Variants in SLC25A40 observed in about 807,000 individuals in gnomAD.
The protein encoded by SLC25A40 is mitochondrial glutathione transporter SLC25A40.
Under a neutral mutation model 46.5 loss-of-function variants are expected in SLC25A40, and 41 were observed. That is an observed-to-expected ratio of 0.88 (90% CI 0.69 to 1.14). The LOEUF is 1.14. SLC25A40 is among the 50% of genes most tolerant of loss of function. The pLI is 0.00. For synonymous variants in SLC25A40, 126 were observed against 127.5 expected (o/e 0.99, Z 0.08); for missense variants, 386 against 393.6 (o/e 0.98, Z 0.16).
At chr7:87,863,444 C>T (rs1293697418) in intron 1 of SLC25A40, among the ~76,000 whole-genome samples, 1 of 152,010 alleles carries the variant, frequency 6.6e-6, no homozygotes, top group Non-Finnish European at 1.5e-5. Flanking sequence ...GCTTCCTCTT[C>T]CACTGTGATT....
intron 1 of SLC25A40, among the ~76,000 whole-genome samples, chr7:87,873,376 G>A (rs926898630): frequency 1.3e-5 from 2 of 150,524 alleles, no homozygotes; most frequent in Admixed American, 1.3e-4. Context: ...GGAGTAGACT[G>A]AACAATATTA....
At chr7:87,871,971 T>C (rs1419790318) in intron 1 of SLC25A40, among the ~76,000 whole-genome samples, 1 of 152,230 alleles carries the variant, frequency 6.6e-6, no homozygotes, top group African/African-American at 2.4e-5. Flanking sequence ...GTTCATAATA[T>C]TACTTTGTTG....
intron 1 of SLC25A40, among the ~76,000 whole-genome samples, chr7:87,870,365 T>G (rs370225642): frequency 1.3e-5 from 2 of 152,056 alleles, no homozygotes; most frequent in Admixed American, 6.6e-5. Flanking sequence ...AAACGTCACT[T>G]TCAAGATTAA....
In SLC25A40 at chr7:87,856,276, C is replaced by G; in HGVS notation, c.157+16G>C. ...AAAATCAAACATAACATTTTTAGGGCAATTAGTACACATACCTTTGGGGAG... is the reference window on the plus strand; with the variant it reads ...AAAATCAAACATAACATTTTTAGGGGAATTAGTACACATACCTTTGGGGAG... On this transcript the variant is annotated intron_variant, in intron 4 of 11. Transcript: ENST00000341119. 1 of 1,573,828 alleles carries G rather than the reference C, an allele frequency of 6.4e-7. No homozygotes were observed. Among genetic ancestry groups the G allele is most frequent in the Non-Finnish European group, 8.6e-7 (1 of 1,157,634 alleles).
chr7:87,866,833 G>C (rs574919199), intron 1 of SLC25A40, among the ~76,000 whole-genome samples: 191 of 152,292 alleles, frequency 1.3e-3, no homozygotes, highest in Middle Eastern at 6.8e-3. Flanking sequence ...TGCTACTCAC[G>C]AGTTCCTTCA....
chr7:87,861,582 C>T (rs1451735773), intron 1 of SLC25A40, among the ~76,000 whole-genome samples: 3 of 151,918 alleles, frequency 2.0e-5, no homozygotes, highest in African/African-American at 7.3e-5. Flanking sequence ...AAAATATGTA[C>T]AATAAAAATA....
chr7:87,853,466 T>C (rs1444355715), intron 5 of SLC25A40, among the ~76,000 whole-genome samples: 1 of 152,228 alleles, frequency 6.6e-6, no homozygotes, highest in Non-Finnish European at 1.5e-5. Context: ...TCAGCAACTG[T>C]ATTCCCTAAG....
intron 9 of SLC25A40, among the ~76,000 whole-genome samples, chr7:87,843,018 T>C (rs1838357362): frequency 6.6e-6 from 1 of 152,214 alleles, no homozygotes; most frequent in Admixed American, 6.5e-5. Context: ...TTCCTTGGCC[T>C]AGATTTTCTG....
intron 4 of SLC25A40, among the ~76,000 whole-genome samples, chr7:87,854,899 AT>A (rs1838583486): frequency 1.3e-5 from 2 of 149,402 alleles, no homozygotes; most frequent in South Asian, 4.2e-4. Context: ...ATGGTGGCTC[AT>A]GCCTGTAATC....
intron 3 of SLC25A40, among the ~76,000 whole-genome samples, chr7:87,857,524 G>A (rs1192422166): frequency 6.6e-6 from 1 of 152,194 alleles, no homozygotes; most frequent in African/African-American, 2.4e-5. Flanking sequence ...ATGTGTTGCA[G>A]GAAGTCAGGG....
intron 9 of SLC25A40, among the ~76,000 whole-genome samples, chr7:87,843,249 T>G (rs1838360358): frequency 6.6e-6 from 1 of 152,078 alleles, no homozygotes; most frequent in South Asian, 2.1e-4. Flanking sequence ...CAGGAAGGTG[T>G]GGAAAAAGAT....
intron 1 of SLC25A40, among the ~76,000 whole-genome samples, chr7:87,860,865 G>C (rs1838686249): frequency 6.8e-6 from 1 of 147,424 alleles, no homozygotes; most frequent in Non-Finnish European, 1.5e-5. Flanking sequence ...AATATACTCT[G>C]CTTTAAAAAC....
intron 5 of SLC25A40, 70 bp from the exon 6 acceptor site, chr7:87,850,018 T>C: frequency 1.1e-6 from 1 of 934,270 alleles, no homozygotes; most frequent in Non-Finnish European, 1.6e-6. Context: ...TTTATACTGA[T>C]GATTGGTAAT....
At chr7:87,858,189 G>A (rs778086626) in intron 3 of SLC25A40, among the ~76,000 whole-genome samples, 4 of 152,216 alleles carry the variant, frequency 2.6e-5, no homozygotes, top group South Asian at 2.1e-4. Flanking sequence ...AAGACAAAAC[G>A]TGCACTGCTG....
chr7:87,843,979 T>C, intron 8 of SLC25A40, 116 bp from the exon 9 acceptor site: 1 of 1,354,064 alleles, frequency 7.4e-7, no homozygotes, highest in Non-Finnish European at 9.5e-7. Context: ...TGACATACCT[T>C]GCTTTCTACT....
At chr7:87,869,482 T>C (rs1186965276) in intron 1 of SLC25A40, among the ~76,000 whole-genome samples, 1 of 151,626 alleles carries the variant, frequency 6.6e-6, no homozygotes, top group African/African-American at 2.4e-5. Context: ...TGAGCCTATA[T>C]CATGCTATTG....
chr7:87,874,458 G>C (rs1030063216), intron 1 of SLC25A40, among the ~76,000 whole-genome samples: 7 of 152,136 alleles, frequency 4.6e-5, no homozygotes, highest in Non-Finnish European at 8.8e-5. Flanking sequence ...CACTCAACCT[G>C]TCTGAACTTC....
At chr7:87,849,128 C>T (rs1838467746) in intron 6 of SLC25A40, among the ~76,000 whole-genome samples, 1 of 152,122 alleles carries the variant, frequency 6.6e-6, no homozygotes, top group African/African-American at 2.4e-5. Context: ...ATATATCATA[C>T]AGCTTTAGTA....
rs188507040 is a variant in SLC25A40 at position 87,861,314 on chromosome 7, G to A, written c.-93-674C>T. Among the ~76,000 whole-genome samples, 254 of 152,248 alleles carry A rather than the reference G, an allele frequency of 1.7e-3. 1 individual carries two copies. The highest frequency in any genetic ancestry group is 6.0e-3 in the African/African-American group (250 of 41,542). On this transcript the variant is annotated intron_variant, in intron 1 of 11. Transcript: ENST00000341119. ...ACAAACAAATTTTTCCAGTTTGAGG[G>A]TAACTAGTGATATGTGACCATGGTC...
Sources: allele counts gnomAD v4.1 joint callset (sites outside exome capture counted in the v4.1 genomes callset), GRCh38; gene constraint gnomAD v4.1.1; transcripts MANE v1.5; gene names NCBI Gene and HGNC (gene_info 2026-07-23, HGNC 2026-07-21).